The following RNF135 variants were observed in gnomAD, a reference collection of about 807,000 sequenced individuals.
RNF135 encodes ring finger protein 135.
A neutral mutation model predicts 41.9 loss-of-function variants in RNF135; 46 were observed. The observed-to-expected ratio is 1.10, with a 90% CI of 0.87 to 1.40. RNF135 has a LOEUF of 1.40. Ranked by LOEUF, RNF135 falls within the 40% of genes most tolerant of loss-of-function variation. The pLI, the probability that RNF135 is intolerant of heterozygous loss-of-function variation, is 0.00. For synonymous variants in RNF135, 238 were observed against 223.8 expected, an observed-to-expected ratio of 1.06 and a Z score of -0.57; for missense variants, 539 against 549.8, an observed-to-expected ratio of 0.98 and a Z score of 0.20.
intron 1 of RNF135, chr17:30,980,175 C>G (rs1906966197): frequency 7.1e-6 from 1 of 141,334 alleles, no homozygotes. Flanking sequence ...AGGAGCCCCT[C>G]ACCTCCCGGA....
At chr17:30,963,930 C>T in the RNF135 span, among the ~76,000 whole-genome samples, 1 of 152,130 alleles carries the variant, frequency 6.6e-6, no homozygotes, top group East Asian at 1.9e-4. Context: ...GCCTGGACAG[C>T]ATAGCGTTCA....
intron 3 of RNF135, among the ~76,000 whole-genome samples, 153 bp downstream of exon 3, chr17:30,988,259 G>A (rs1356001653): frequency 6.6e-6 from 1 of 151,934 alleles, no homozygotes; most frequent in Non-Finnish European, 1.5e-5. Context: ...GGGCTGAAGT[G>A]ATTTTGTGGC....
the RNF135 span, among the ~76,000 whole-genome samples, chr17:30,960,596 T>G: frequency 1.3e-5 from 2 of 152,040 alleles, no homozygotes; most frequent in East Asian, 3.9e-4. Flanking sequence ...CAAAACTCCC[T>G]TGTAGCCACA....
At chr17:30,995,367 G>A (rs1281176879) in intron 3 of RNF135, among the ~76,000 whole-genome samples, 2 of 151,414 alleles carry the variant, frequency 1.3e-5, no homozygotes, top group African/African-American at 2.4e-5. Context: ...CAGCCTGGGC[G>A]ACAGAGCGAG....
intron 1 of RNF135, 81 bp downstream of exon 1, chr17:30,971,526 T>C: frequency 7.2e-7 from 1 of 1,395,036 alleles, no homozygotes; most frequent in Non-Finnish European, 9.2e-7. Flanking sequence ...CTCGAACCCC[T>C]TTCCTCAGCC....
the RNF135 span, among the ~76,000 whole-genome samples, chr17:30,964,343 C>T: frequency 7.0e-5 from 9 of 128,956 alleles, no homozygotes; most frequent in Non-Finnish European, 1.4e-4. Context: ...GAGCCGAGAT[C>T]GTGCCATTGC....
chr17:30,969,393 C>T (rs1905703189), upstream of RNF135: 1 of 152,242 alleles, frequency 6.6e-6, no homozygotes, highest in Admixed American at 6.5e-5. Flanking sequence ...CCCACTAAAT[C>T]TCAGTAAGCT....
upstream of RNF135, among the ~76,000 whole-genome samples, chr17:30,966,342 AATTTATTTTTATTTTATTT>A (rs979630981): frequency 2.2e-5 from 3 of 137,142 alleles, no homozygotes; most frequent in Non-Finnish European, 4.6e-5. Flanking sequence ...GATCTTTTTT[AATTTATTTTTATTTTATTT>A]ATTTATTTAT....
intron 3 of RNF135, 90 bp from the exon 4 acceptor site, chr17:30,997,152 C>A: frequency 2.0e-6 from 2 of 995,684 alleles, no homozygotes; most frequent in Non-Finnish European, 3.2e-6. Context: ...AGAAGACAAG[C>A]CAGCCATGTG....
At chr17:30,971,710 A>AACT in intron 1 of RNF135, 1 of 1,318,142 alleles carries the variant, frequency 7.6e-7, no homozygotes. Flanking sequence ...TTCCCAATCG[A>AACT]TCTTCGGTCT....
At chr17:30,970,119 T>C (rs985716855), upstream of RNF135, 4 of 152,044 alleles carry the variant, frequency 2.6e-5, no homozygotes, top group African/African-American at 7.2e-5. Flanking sequence ...TTTCAACAGA[T>C]TGGGGAGTTG....
chr17:30,984,670 G>A lies in RNF135; in HGVS notation c.426G>A (p.Val142=). 6.2e-7 allele frequency: 1 copy of A among 1,614,174 alleles called. No individual in the cohort carries two copies. The highest frequency in any genetic ancestry group is 8.5e-7 in the Non-Finnish European group (1 of 1,180,024). The change falls in exon 2 of 5, where the codon GTG becomes GTA. Residue 142 remains valine (V), a synonymous_variant. Transcript: ENST00000328381. ...TTGCTCAGGAGCTGACAGAGCTGGTGGAACATCTTGTAGACATTGTCAGAA... is the reference window on the plus strand; with the variant it reads ...TTGCTCAGGAGCTGACAGAGCTGGTAGAACATCTTGTAGACATTGTCAGAA... ...TEVAQELTEL[V]EHLVDIVRSL...
rs1178167118 is a variant in RNF135, at chr17:30,971,283, G to T, written c.210G>T (p.Pro70=). The T allele has an allele frequency of 1.3e-6, 2 of 1,526,786 alleles. No homozygotes were observed. Among genetic ancestry groups the T allele is most frequent in the Non-Finnish European group, 1.8e-6 (2 of 1,141,172 alleles). 94.6% of individuals were successfully genotyped at this position (1,526,786 alleles called of 1,614,324 possible). A position where few individuals can be genotyped will look rare whatever the true frequency, so the allele number is the denominator to read the frequency against. ...PTCRQGAAQQ[P]HLRKNTLLQD... is the part of the protein sequence containing the mutation. ...GCCGCCAGGGCGCCGCGCAGCAGCCGCACCTGCGGAAGAACACGCTACTGC... is the reference window on the plus strand; with the variant it reads ...GCCGCCAGGGCGCCGCGCAGCAGCCTCACCTGCGGAAGAACACGCTACTGC... Residue 70 remains proline (P), a synonymous_variant, in exon 1 of 5, where the codon CCG becomes CCT. Transcript: ENST00000328381.
upstream of RNF135, among the ~76,000 whole-genome samples, chr17:30,966,334 T>A (rs961748763): frequency 3.4e-5 from 5 of 146,328 alleles, no homozygotes; most frequent in Non-Finnish European, 7.4e-5. Context: ...TTTTATTTGA[T>A]CTTTTTTAAT....
intron 3 of RNF135, among the ~76,000 whole-genome samples, chr17:30,994,884 C>G (rs1421143537): frequency 6.6e-6 from 1 of 151,394 alleles, no homozygotes; most frequent in East Asian, 2.0e-4. Flanking sequence ...GTGATCCACC[C>G]GTCTCGGCCT....
At chr17:30,972,438 A>G (rs1906074446) in intron 1 of RNF135, 3 of 152,202 alleles carry the variant, frequency 2.0e-5, no homozygotes, top group Admixed American at 2.0e-4. Context: ...TAAGTGTACA[A>G]TTCAGTGACA....
the RNF135 span, among the ~76,000 whole-genome samples, chr17:30,962,041 G>C: frequency 3.9e-5 from 6 of 152,080 alleles, no homozygotes; most frequent in African/African-American, 1.4e-4. Flanking sequence ...TAAATGAGCA[G>C]CCTACCCTGA....
chr17:30,996,371 A>G (rs948383059), intron 3 of RNF135, among the ~76,000 whole-genome samples: 5 of 152,234 alleles, frequency 3.3e-5, no homozygotes, highest in African/African-American at 4.8e-5. Context: ...TACAGGTGTG[A>G]ACCACTGCGC....
At chr17:30,970,518 G>T, upstream of RNF135, 1 of 158,628 alleles carries the variant, frequency 6.3e-6, no homozygotes, top group South Asian at 1.8e-4. Context: ...CCAAGACAAT[G>T]AAATCAGACT....
Sources: gnomAD v4.1 joint callset for allele counts (sites outside exome capture counted in the v4.1 genomes callset) on GRCh38, gnomAD v4.1.1 for gene constraint, MANE v1.5 for transcripts, NCBI Gene and HGNC (gene_info 2026-07-23, HGNC 2026-07-21) for gene names.